Variants in TEX9 observed in about 807,000 individuals in gnomAD.
The protein encoded by TEX9 is testis expressed 9.
Under a neutral mutation model 59.6 loss-of-function variants are expected in TEX9, and 74 were observed. The observed-to-expected ratio is 1.24, with a 90% confidence interval of 1.03 to 1.51. The LOEUF (loss-of-function observed/expected upper bound fraction) is 1.51, where lower values mean the gene tolerates loss of function less well. Ranked by LOEUF, TEX9 falls within the 40% of genes most tolerant of loss-of-function variation. The pLI is 0.00. For missense variants in TEX9, 522 were observed against 447.8 expected, an observed-to-expected ratio of 1.17 and a Z score of -1.49; for synonymous variants, 186 against 152.2, an observed-to-expected ratio of 1.22 and a Z score of -1.64.
Position 56,389,491 on chromosome 15 carries a change from C to G in TEX9, c.395+91C>G, listed in dbSNP as rs2048109207. The G allele has an allele frequency of 4.1e-6, 4 of 985,950 alleles. No homozygotes were observed. The African/African-American group carries it at 6.6e-5, about 16-fold the overall frequency. The allele number at this position is 985,950 out of a possible 1,614,324, so 61.1% of individuals were successfully genotyped here. On this transcript the variant is annotated intron_variant, in intron 6 of 12. Coordinates refer to ENST00000352903, the Ensembl canonical transcript of TEX9. ...AATTATTAAGCTCTGTTTGTTTTTC[C>G]AGATCTTTTTACACCCTAAACATTA...
chr15:56,334,324 G>A (rs1163692934), intron 1 of TEX9, among the ~76,000 whole-genome samples: 1 of 152,248 alleles, frequency 6.6e-6, no homozygotes, highest in East Asian at 1.9e-4. Flanking sequence ...TAGACCAGTG[G>A]AACATAGTAG....
chr15:56,342,315 A>T (rs2046387219), intron 1 of TEX9, among the ~76,000 whole-genome samples: 1 of 152,170 alleles, frequency 6.6e-6, no homozygotes, highest in Non-Finnish European at 1.5e-5. Flanking sequence ...AGGCTCAGAG[A>T]GGTTAAGTGA....
intron 3 of TEX9, among the ~76,000 whole-genome samples, chr15:56,380,616 C>T (rs1193716790): frequency 1.3e-5 from 2 of 152,090 alleles, no homozygotes; most frequent in South Asian, 2.1e-4. Context: ...TGATGGAATG[C>T]CTCAACTTTT....
rs1316724370 is a variant in TEX9, at chr15:56,309,256, G to GT, written c.-106-64179dup. 2.4e-4 allele frequency among the ~76,000 whole-genome samples: 36 copies of GT among 152,110 alleles called. 1 individual carries two copies. Among genetic ancestry groups the GT allele is most frequent in the Admixed American group, 2.1e-3 (32 of 15,270 alleles). On this transcript the variant is annotated intron_variant, in intron 1 of 5. Coordinates refer to the TEX9 transcript ENST00000560827. ...TCCCTTCTATTCCTGATTTGCTGAGGTTTTTTATTAAGAAAGGATGTTGGA... is the reference window on the plus strand; with the variant it reads ...TCCCTTCTATTCCTGATTTGCTGAGGTTTTTTTATTAAGAAAGGATGTTGGA...
chr15:56,277,081 T>A (rs1184726246), intron 1 of TEX9, among the ~76,000 whole-genome samples: 1 of 152,184 alleles, frequency 6.6e-6, no homozygotes, highest in Non-Finnish European at 1.5e-5. Context: ...CTTTGTCAGA[T>A]GGATAGATTG....
intron 12 of TEX9, chr15:56,443,563 ATATT>A (rs1331551332): frequency 1.0e-5 from 16 of 1,573,032 alleles, no homozygotes; most frequent in African/African-American, 1.4e-5. Context: ...AAAAACATAA[ATATT>A]TATAGGATCC....
At chr15:56,337,808 T>C (rs575961258) in intron 1 of TEX9, among the ~76,000 whole-genome samples, 74 of 152,358 alleles carry the variant, frequency 4.9e-4, no homozygotes, top group African/African-American at 1.5e-3. Context: ...TCTTCCTATA[T>C]AAGCAAGACC....
upstream of TEX9, among the ~76,000 whole-genome samples, chr15:56,363,885 G>A (rs1328074027): frequency 6.2e-5 from 9 of 145,904 alleles, no homozygotes; most frequent in Non-Finnish European, 1.3e-4. Flanking sequence ...GTCTTGCTGT[G>A]TTGCCTTGGC....
At chr15:56,256,020 G>A (rs540817558) in intron 1 of TEX9, among the ~76,000 whole-genome samples, 2 of 151,588 alleles carry the variant, frequency 1.3e-5, no homozygotes, top group African/African-American at 2.4e-5. Flanking sequence ...AATAAAAGTT[G>A]TAATTAATAA....
Position 56,339,383 on chromosome 15 carries a change from C to CAAAAAAAAAAAA in TEX9, c.-106-34038_-106-34027dup, listed in dbSNP as rs71456382. Among the ~76,000 whole-genome samples the CAAAAAAAAAAAA allele has an allele frequency of 3.3e-3, 100 of 30,754 alleles. 16 individuals carry two copies. Among genetic ancestry groups the CAAAAAAAAAAAA allele is most frequent in the African/African-American group, 9.9e-3 (82 of 8,318 alleles). 20.2% of individuals were successfully genotyped at this position (30,754 alleles called of 152,430 possible). On this transcript the variant is annotated intron_variant, in intron 1 of 5. Coordinates refer to the TEX9 transcript ENST00000560827. Reference sequence around the variant, plus strand: ...GGGTGTCAGAGCAAGACTCCTTCTCCAAAAAAAAAAAAAAAAAAAAAAAAA... The same window carrying CAAAAAAAAAAAA: ...GGGTGTCAGAGCAAGACTCCTTCTCCAAAAAAAAAAAAAAAAAAAAAAAAAAAAAAAAAAAAA...
chr15:56,311,179 C>T (rs2045604251), intron 1 of TEX9, among the ~76,000 whole-genome samples: 1 of 144,410 alleles, frequency 6.9e-6, no homozygotes, highest in Non-Finnish European at 1.5e-5. Flanking sequence ...TTTTAGGGTA[C>T]ATGTGCACAT....
At chr15:56,391,245 T>A in exon 7 of TEX9, 2 of 1,546,174 alleles carry the variant, frequency 1.3e-6, no homozygotes, top group Non-Finnish European at 1.7e-6. Context: ...TTTTTTAGTG[T>A]TAAATTGAAA....
chr15:56,299,280 C>A (rs1297668271), intron 1 of TEX9, among the ~76,000 whole-genome samples: 3 of 152,190 alleles, frequency 2.0e-5, no homozygotes, highest in Non-Finnish European at 2.9e-5. Context: ...ACTGCCCTGT[C>A]ACAGAAGAAG....
intron 1 of TEX9, among the ~76,000 whole-genome samples, chr15:56,359,666 T>G (rs1263227389): frequency 6.6e-6 from 1 of 152,144 alleles, no homozygotes; most frequent in East Asian, 1.9e-4. Flanking sequence ...TTAAAAAAAT[T>G]TTCTTTATAG....
exon 10 of TEX9, chr15:56,412,376 A>C (rs775871965): frequency 6.2e-7 from 1 of 1,613,478 alleles, no homozygotes; most frequent in Non-Finnish European, 8.5e-7. Flanking sequence ...GCTTGAATAG[A>C]GCTCTAGAAG....
rs545707108 is a variant in TEX9, at chr15:56,285,071, C to T, written c.-107+40793C>T. Among the ~76,000 whole-genome samples the T allele has an allele frequency of 5.9e-5, 9 of 152,186 alleles. 1 individual carries two copies. In the South Asian group the frequency reaches 1.7e-3, roughly 28 times the overall value. ...TCTTTTAAATCATCGTTCATTTAAA[C>T]TCACCCATATTCACTTTTTTTGCTC... On this transcript the variant is annotated intron_variant, in intron 1 of 5. Transcript: ENST00000560827.
chr15:56,429,472 T>G (rs762795395), intron 12 of TEX9: 4 of 301,560 alleles, frequency 1.3e-5, no homozygotes, highest in African/African-American at 2.3e-5. Flanking sequence ...CTGCTTGGAT[T>G]ACCTAGATAG....
At chr15:56,378,955 T>TTG (rs537558058) in intron 3 of TEX9, among the ~76,000 whole-genome samples, 52 of 151,774 alleles carry the variant, frequency 3.4e-4, no homozygotes, top group Non-Finnish European at 6.6e-4. Flanking sequence ...TCCCAACTAC[T>TTG]TGAGGGGCTG....
chr15:56,433,920 T>C (rs541883439), intron 12 of TEX9, among the ~76,000 whole-genome samples: 11 of 152,170 alleles, frequency 7.2e-5, no homozygotes, highest in Non-Finnish European at 1.3e-4. Flanking sequence ...TAGTTTTATT[T>C]ACCTTTTATG....
Sources: gnomAD v4.1 joint callset for allele counts (sites outside exome capture counted in the v4.1 genomes callset) on GRCh38, gnomAD v4.1.1 for gene constraint, MANE v1.5 for transcripts, NCBI Gene and HGNC (gene_info 2026-07-23, HGNC 2026-07-21) for gene names.